The following EZR variants were observed in gnomAD, a reference collection of about 807,000 sequenced individuals.
EZR encodes cytovillin 2.
EZR carries 40 observed loss-of-function variants against 74.8 expected under a neutral mutation model. That is an observed-to-expected ratio of 0.53 (90% CI 0.42 to 0.70). The LOEUF is 0.70. Ranked by LOEUF, EZR falls within the 30% of genes least tolerant of loss-of-function variation. The probability of loss-of-function intolerance (pLI) is 0.00; values close to 1 mark genes in which losing one functional copy is unlikely to be tolerated. For synonymous variants in EZR, 341 were observed against 283.3 expected (o/e 1.20, Z -2.05); for missense variants, 678 against 755.8 (o/e 0.90, Z 1.21).
At position 158,767,067 on chromosome 6, in the gene EZR, G is replaced by A. The variant is rs537707819; in HGVS notation, c.1608C>T (p.Ser536=). 4.1e-5 allele frequency: 66 copies of A among 1,614,100 alleles called. No individual in the cohort carries two copies. In the South Asian group the frequency reaches 4.6e-4, roughly 11 times the overall value. ...TCTCATCTCGGGCCTGGGACAGCTC[G>A]CTGCTCAGCGTCTGTAACATTAAGC... ...RVQRQLLTLS[S]ELSQARDENK... Residue 536 remains serine (S), a synonymous_variant, in exon 14 of 14, where the codon AGC becomes AGT. Coordinates refer to ENST00000367075, the MANE Select transcript of EZR (RefSeq NM_001111077.2).
chr6:158,797,237 C>T (rs1777093186), intron 2 of EZR, among the ~76,000 whole-genome samples: 1 of 152,030 alleles, frequency 6.6e-6, no homozygotes, highest in South Asian at 2.1e-4. Context: ...GGAGAGCAAC[C>T]CTTGAGTCTT....
At chr6:158,794,133 C>T (rs923911162) in intron 2 of EZR, among the ~76,000 whole-genome samples, 6 of 152,152 alleles carry the variant, frequency 3.9e-5, no homozygotes, top group African/African-American at 1.4e-4. Flanking sequence ...AAAAATTAGC[C>T]GGGCGTGGTA....
chr6:158,778,942 A>C (rs1285437156), intron 7 of EZR, among the ~76,000 whole-genome samples: 2 of 152,204 alleles, frequency 1.3e-5, no homozygotes, highest in African/African-American at 4.8e-5. Context: ...TAAAAATCAC[A>C]ATTTCTCAAA....
chr6:158,794,612 T>G (rs1391622932), intron 2 of EZR, among the ~76,000 whole-genome samples: 1 of 152,012 alleles, frequency 6.6e-6, no homozygotes, highest in Non-Finnish European at 1.5e-5. Flanking sequence ...AAAGAGCGCG[T>G]GGTCTGCAGT....
chr6:158,807,715 A>ACCAC (rs1287193733), intron 2 of EZR, among the ~76,000 whole-genome samples: 1 of 152,158 alleles, frequency 6.6e-6, no homozygotes, highest in African/African-American at 2.4e-5. Flanking sequence ...TAGCACGCTC[A>ACCAC]CCACCCCCTG....
intron 2 of EZR, among the ~76,000 whole-genome samples, chr6:158,810,468 T>A (rs1472306992): frequency 6.6e-6 from 1 of 152,214 alleles, no homozygotes; most frequent in Admixed American, 6.5e-5. Flanking sequence ...CTGCTTTCAC[T>A]AGGAGACTGA....
chr6:158,803,527 TTA>T (rs1437215380), intron 2 of EZR, among the ~76,000 whole-genome samples: 3 of 20,436 alleles, frequency 1.5e-4, no homozygotes, highest in Non-Finnish European at 3.5e-4. Flanking sequence ...TTATGTAACA[TTA>T]TATATATATA....
intron 2 of EZR, among the ~76,000 whole-genome samples, chr6:158,797,371 G>A (rs1407783936): frequency 2.0e-5 from 3 of 152,064 alleles, no homozygotes; most frequent in Admixed American, 1.3e-4. Context: ...ATTCAAATGG[G>A]AGCATTTGAA....
At chr6:158,817,020 G>C (rs976202472) in intron 2 of EZR, among the ~76,000 whole-genome samples, 4 of 152,144 alleles carry the variant, frequency 2.6e-5, no homozygotes, top group African/African-American at 2.4e-5. Context: ...GAGAGGCAGA[G>C]GTTGCAGTGA....
intron 7 of EZR, among the ~76,000 whole-genome samples, chr6:158,780,757 T>C (rs1791414083): frequency 1.3e-5 from 2 of 152,204 alleles, no homozygotes. Context: ...TTGTTTTTGG[T>C]CCGAGTGTCA....
intron 12 of EZR, 52 bp from the exon 13 acceptor site, chr6:158,767,564 C>T: frequency 6.5e-6 from 10 of 1,528,260 alleles, no homozygotes; most frequent in Non-Finnish European, 7.9e-6. Context: ...TCCTATCCTC[C>T]TGGCTATGAG....
intron 1 of EZR, among the ~76,000 whole-genome samples, chr6:158,818,417 G>A (rs146732402): frequency 0.029 from 4,311 of 150,974 alleles, 82 homozygotes; most frequent in Middle Eastern, 0.056. Context: ...GGGCACTGGA[G>A]GTGCCCCCCA....
At chr6:158,801,271 T>C (rs1213129014) in intron 2 of EZR, among the ~76,000 whole-genome samples, 1 of 152,166 alleles carries the variant, frequency 6.6e-6, no homozygotes, top group Non-Finnish European at 1.5e-5. Context: ...TGCATCACCA[T>C]GCCCAGCTAA....
intron 2 of EZR, among the ~76,000 whole-genome samples, chr6:158,797,840 T>G (rs1777105463): frequency 6.6e-6 from 1 of 152,258 alleles, no homozygotes; most frequent in East Asian, 1.9e-4. Flanking sequence ...GAAATGTAAC[T>G]TACCATAAAA....
chr6:158,807,644 G>C (rs532171316), intron 2 of EZR, among the ~76,000 whole-genome samples: 45 of 152,290 alleles, frequency 3.0e-4, no homozygotes, highest in African/African-American at 1.1e-3. Context: ...ACGCTTCAAA[G>C]AGTCAGTAAA....
At chr6:158,795,013 G>C (rs1293666469) in intron 2 of EZR, among the ~76,000 whole-genome samples, 1 of 152,090 alleles carries the variant, frequency 6.6e-6, no homozygotes, top group Non-Finnish European at 1.5e-5. Flanking sequence ...CACTCTGGGG[G>C]GCCAAGGCAG....
At chr6:158,779,718 C>G (rs1231318065) in intron 7 of EZR, among the ~76,000 whole-genome samples, 1 of 152,106 alleles carries the variant, frequency 6.6e-6, no homozygotes, top group Non-Finnish European at 1.5e-5. Context: ...CATGCACCAC[C>G]ACGCCCAGCT....
chr6:158,775,440 C>A (rs1791249066), intron 8 of EZR, among the ~76,000 whole-genome samples: 1 of 152,228 alleles, frequency 6.6e-6, no homozygotes, highest in African/African-American at 2.4e-5. Flanking sequence ...AGGACAATAA[C>A]ACCACATACT....
At chr6:158,780,270 T>A (rs1398598875) in intron 7 of EZR, among the ~76,000 whole-genome samples, 2 of 152,148 alleles carry the variant, frequency 1.3e-5, no homozygotes, top group African/African-American at 2.4e-5. Context: ...GTCTTAAGAT[T>A]TTGCATTTTT....
Sources: allele counts gnomAD v4.1 joint callset (sites outside exome capture counted in the v4.1 genomes callset), GRCh38; gene constraint gnomAD v4.1.1; transcripts MANE v1.5; gene names NCBI Gene and HGNC (gene_info 2026-07-23, HGNC 2026-07-21).